The following TBL1X variants were observed in gnomAD, a reference collection of about 807,000 sequenced individuals.
TBL1X encodes F-box-like/WD repeat-containing protein TBL1X.
A neutral mutation model predicts 50.7 loss-of-function variants in TBL1X; 10 were observed. That is an observed-to-expected ratio of 0.20 (90% CI 0.12 to 0.33). The LOEUF is 0.33. Ranked by LOEUF, TBL1X falls within the 10% of genes least tolerant of loss-of-function variation. The pLI, the probability that TBL1X is intolerant of heterozygous loss-of-function variation, is 1.00. For missense variants in TBL1X, 340 were observed against 504.4 expected (o/e 0.67, Z 3.12); for synonymous variants, 190 against 214.7 (o/e 0.88, Z 1.01).
rs147761619 is a variant in TBL1X at position 9,582,613 on chromosome X, G to A, written c.-130-57660G>A. 1.9e-3 allele frequency among the ~76,000 whole-genome samples: 210 copies of A among 112,454 alleles called. 1 individual carries two copies. The highest frequency in any genetic ancestry group is 6.5e-3 in the African/African-American group (202 of 30,964). On this transcript the variant is annotated intron_variant, in intron 2 of 17. Coordinates refer to ENST00000645353, the MANE Select transcript of TBL1X (RefSeq NM_005647.4). The stretch of plus-strand genomic sequence containing the variant: ...AAGAAACTCAATTGCATGGTTGCTC[G>A]CATAAGCCACTATGCAGTGGCAGCT...
At chrX:9,512,099 T>A (rs1282340603) in intron 2 of TBL1X, among the ~76,000 whole-genome samples, 1 of 111,341 alleles carries the variant, frequency 9.0e-6, no homozygotes. Flanking sequence ...TCTCAAGTGA[T>A]CCTCCTGCCT....
intron 2 of TBL1X, among the ~76,000 whole-genome samples, chrX:9,522,568 A>T (rs754495953): frequency 9.0e-6 from 1 of 111,486 alleles, no homozygotes; most frequent in South Asian, 3.8e-4. Flanking sequence ...CGTATCCCAC[A>T]CCCCAGAACT....
intron 6 of TBL1X, among the ~76,000 whole-genome samples, chrX:9,686,400 T>A (rs1042741676): frequency 8.9e-6 from 1 of 112,367 alleles, no homozygotes; most frequent in Admixed American, 9.4e-5. Flanking sequence ...TGGTTTCTAA[T>A]CATTAAAAAG....
At chrX:9,481,251 T>C (rs1447831500) in intron 1 of TBL1X, among the ~76,000 whole-genome samples, 1 of 112,459 alleles carries the variant, frequency 8.9e-6, no homozygotes, top group African/African-American at 3.2e-5. Flanking sequence ...GTTAATTACA[T>C]GGACTGAAGT....
intron 5 of TBL1X, among the ~76,000 whole-genome samples, chrX:9,675,249 G>A (rs2082986365): frequency 9.0e-6 from 1 of 111,429 alleles, no homozygotes; most frequent in South Asian, 3.8e-4. Context: ...AAAATAAAGA[G>A]CAAACCCCAG....
At chrX:9,527,270 T>C (rs1442845734) in intron 2 of TBL1X, among the ~76,000 whole-genome samples, 1 of 111,526 alleles carries the variant, frequency 9.0e-6, no homozygotes, top group African/African-American at 3.3e-5. Context: ...TTATTTCCAG[T>C]GTGGGAGAGG....
intron 7 of TBL1X, among the ~76,000 whole-genome samples, chrX:9,688,746 C>T (rs1166652944): frequency 8.9e-6 from 1 of 112,772 alleles, no homozygotes; most frequent in Non-Finnish European, 1.9e-5. Context: ...TAGGTGATTG[C>T]CTGTGAGTAT....
Position 9,692,131 on chromosome X carries a change from A to T in TBL1X, c.768A>T (p.Ala256=). The change falls in exon 9 of 18, where the codon GCA becomes GCT. Residue 256 remains alanine (A), a synonymous_variant. Transcript: ENST00000645353. Reference sequence around the variant, plus strand: ...TCTGTAGATCTGGAGACTCAACTGCAAGGATATGGAACCTGAATGAGAATA... The same window carrying T: ...TCTGTAGATCTGGAGACTCAACTGCTAGGATATGGAACCTGAATGAGAATA... ...LLASGSGDST[A]RIWNLNENSN... 2 of 1,211,660 alleles carry T rather than the reference A, an allele frequency of 1.7e-6. No individual in the cohort carries two copies. Among genetic ancestry groups the T allele is most frequent in the Non-Finnish European group, 2.2e-6 (2 of 895,488 alleles).
intron 5 of TBL1X, among the ~76,000 whole-genome samples, chrX:9,680,443 G>C (rs2083018940): frequency 9.0e-6 from 1 of 111,440 alleles, no homozygotes; most frequent in South Asian, 3.8e-4. Flanking sequence ...AGCACCTCAA[G>C]GTACTTTTTA....
intron 1 of TBL1X, among the ~76,000 whole-genome samples, chrX:9,471,670 A>C (rs1371768625): frequency 2.7e-5 from 3 of 111,849 alleles, no homozygotes; most frequent in Admixed American, 9.5e-5. Context: ...CCTCTGAGTG[A>C]TTCCGGGGAG....
At chrX:9,525,989 A>G (rs2082130154) in intron 2 of TBL1X, among the ~76,000 whole-genome samples, 1 of 110,693 alleles carries the variant, frequency 9.0e-6, no homozygotes, top group Non-Finnish European at 1.9e-5. Context: ...TTCCTGCCTC[A>G]TTTTTGTTTC....
rs147712575 is a variant in TBL1X, at chrX:9,629,972, T to C, written c.-130-10301T>C. On this transcript the variant is annotated intron_variant, in intron 2 of 17. Transcript: ENST00000645353. ...TACTACCCCCGTCCAAGCACTTCCT[T>C]GGCTCTAGTATGTCCTCATGAGCAG... Among the ~76,000 whole-genome samples the C allele has an allele frequency of 5.1e-3, 562 of 111,255 alleles. 6 individuals are homozygous for C. The highest frequency in any genetic ancestry group is 0.017 in the African/African-American group (533 of 30,570).
At chrX:9,704,940 C>T in intron 12 of TBL1X, 53 bp from the exon 13 acceptor site, 1 of 1,206,433 alleles carries the variant, frequency 8.3e-7, no homozygotes, top group African/African-American at 1.7e-5. Context: ...GTTGTAAATC[C>T]ATGGAGCTGT....
rs774316654 is a variant in TBL1X at position 9,699,162 on chromosome X, G to T, written c.1114+1733G>T. 4.5e-5 allele frequency among the ~76,000 whole-genome samples: 5 copies of T among 111,206 alleles called. No individual in the cohort carries two copies. In the South Asian group the frequency reaches 1.9e-3, roughly 43 times the overall value. On this transcript the variant is annotated intron_variant, in intron 12 of 17. Transcript: ENST00000645353. ...AGCCCAGCTAATTTTTGTATTTTTA[G>T]TAGAAACGGGGTTTCGCCATGTTGG... is the stretch of plus-strand genomic sequence containing the variant.
At chrX:9,467,938 C>G (rs1328148804) in intron 1 of TBL1X, among the ~76,000 whole-genome samples, 2 of 112,591 alleles carry the variant, frequency 1.8e-5, no homozygotes, top group Non-Finnish European at 3.8e-5. Context: ...CTGCTGCCTG[C>G]CTGGCCAGCG....
intron 1 of TBL1X, among the ~76,000 whole-genome samples, chrX:9,471,693 C>T (rs1488804908): frequency 8.9e-6 from 1 of 111,857 alleles, no homozygotes; most frequent in Non-Finnish European, 1.9e-5. Flanking sequence ...CGGCAGTTCT[C>T]CAGCCCCAGG....
chrX:9,570,827 G>A lies in TBL1X; in HGVS notation c.-131+68978G>A, dbSNP rs367773671. Among the ~76,000 whole-genome samples the A allele has an allele frequency of 4.3e-4, 47 of 109,063 alleles. No individual in the cohort carries two copies. The East Asian group carries it at 8.4e-3, about 20-fold the overall frequency. The allele number at this position is 109,063 out of a possible 115,157, so 94.7% of individuals were successfully genotyped here. On this transcript the variant is annotated intron_variant, in intron 2 of 17. Transcript: ENST00000645353. ...CAAGTAGCTGGGACTACAGGCCCCC[G>A]CCACCATGCCCAGCTAATTTTTTGT...
chrX:9,661,689 G>T (rs750298945), intron 5 of TBL1X, among the ~76,000 whole-genome samples: 1 of 111,138 alleles, frequency 9.0e-6, no homozygotes, highest in African/African-American at 3.3e-5. Flanking sequence ...GAGATAAAAG[G>T]CTGTGCTGAG....
intron 2 of TBL1X, chrX:9,637,122 T>TACAG (rs1189931091): frequency 8.9e-6 from 1 of 112,235 alleles, no homozygotes; most frequent in Non-Finnish European, 1.9e-5. Context: ...TACTCATAAA[T>TACAG]ACAGACACAA....
Sources: allele counts gnomAD v4.1 joint callset (sites outside exome capture counted in the v4.1 genomes callset), GRCh38; gene constraint gnomAD v4.1.1; transcripts MANE v1.5; gene names NCBI Gene and HGNC (gene_info 2026-07-23, HGNC 2026-07-21).